GRIN2D: variants seen among roughly 807,000 people sequenced by gnomAD.
GRIN2D encodes glutamate receptor ionotropic, NMDA 2D.
In GRIN2D, 37 loss-of-function variants were observed where a neutral mutation model predicts 103.2. The ratio of observed to expected loss-of-function variants is 0.36; its 90% CI spans 0.28 to 0.47. GRIN2D has a LOEUF of 0.47. GRIN2D is among the 20% of genes least tolerant of loss of function. GRIN2D has a pLI of 1.00. For missense variants in GRIN2D, 1,557 were observed against 1,910.6 expected, an observed-to-expected ratio of 0.81 and a Z score of 3.45; for synonymous variants, 845 against 885.6, an observed-to-expected ratio of 0.95 and a Z score of 0.81.
intron 2 of GRIN2D, among the ~76,000 whole-genome samples, chr19:48,396,876 C>T (rs1223352244): frequency 6.6e-6 from 1 of 152,090 alleles, no homozygotes; most frequent in Non-Finnish European, 1.5e-5. Context: ...TGGACCCTCA[C>T]CCCTTCTGGA....
intron 3 of GRIN2D, among the ~76,000 whole-genome samples, chr19:48,403,198 C>CAAAAA (rs145115482): frequency 2.2e-5 from 2 of 91,312 alleles, no homozygotes; most frequent in Non-Finnish European, 4.6e-5. Context: ...GACTCTGTCT[C>CAAAAA]AAAAAAAAAA....
intron 11 of GRIN2D, among the ~76,000 whole-genome samples, chr19:48,435,622 T>G (rs1237354152): frequency 6.6e-6 from 1 of 152,082 alleles, no homozygotes; most frequent in Admixed American, 6.6e-5. Context: ...TTTTTGTATT[T>G]TTAGTAGAGA....
chr19:48,433,858 T>C (rs1971191371), intron 11 of GRIN2D, among the ~76,000 whole-genome samples: 1 of 152,120 alleles, frequency 6.6e-6, no homozygotes, highest in Non-Finnish European at 1.5e-5. Flanking sequence ...ATCTTTTCTG[T>C]GTTAATGGAA....
chr19:48,437,600 A>G (rs1971246533), intron 11 of GRIN2D, among the ~76,000 whole-genome samples: 1 of 152,114 alleles, frequency 6.6e-6, no homozygotes. Context: ...GCTTTCTCCA[A>G]AATGTAACTT....
Position 48,405,238 on chromosome 19 carries a change from G to T in GRIN2D, c.970G>T (p.Val324Leu), listed in dbSNP as rs779274023. 3 of 1,596,532 alleles carry T rather than the reference G, an allele frequency of 1.9e-6. No homozygotes were observed. Among genetic ancestry groups the T allele is most frequent in the Non-Finnish European group, 2.5e-6 (3 of 1,176,892 alleles). Reference sequence around the variant, plus strand: ...CCTGGCTCGGCGAGTGGCAGCTGGCGTGGCCGTAGTGGCCAGAGGTGCCCA... The same window carrying T: ...CCTGGCTCGGCGAGTGGCAGCTGGCTTGGCCGTAGTGGCCAGAGGTGCCCA... ...DDLARRVAAGVAVVARGAQAL... is the reference protein window; with the variant it reads ...DDLARRVAAGLAVVARGAQAL... Residue 324 changes from valine (V) to leucine (L), a missense_variant, in exon 4 of 14, where the codon GTG becomes TTG. Val to Leu is a conservative substitution (Grantham distance 32). This residue lies in a region of GRIN2D where 490 missense variants were observed against 601.1 expected (regional missense o/e 0.82). Coordinates refer to ENST00000263269, the MANE Select transcript of GRIN2D (RefSeq NM_000836.4). The surrounding 1 kb of genome is among the most constrained non-coding windows in gnomAD (Gnocchi z 5.1).
Position 48,443,830 on chromosome 19 carries a change from C to T in GRIN2D, c.3904C>T (p.His1302Tyr). 6.7e-7 allele frequency: 1 copy of T among 1,484,532 alleles called. No individual in the cohort carries two copies. Among genetic ancestry groups the T allele is most frequent in the Non-Finnish European group, 8.9e-7 (1 of 1,125,812 alleles). 92.0% of individuals were successfully genotyped at this position (1,484,532 alleles called of 1,614,324 possible). ...RHARRCPHAA[H>Y]WGPPLPTASH... The stretch of plus-strand genomic sequence containing the variant: ...CGCTCGCAGGTGTCCGCACGCCGCG[C>T]ACTGGGGGCCGCCGCTGCCCACAGC... The change falls in exon 14 of 14, where the codon CAC becomes TAC. Residue 1302 changes from histidine to tyrosine, a missense_variant. His to Tyr is a moderately conservative substitution (Grantham distance 83). This residue lies in a region of GRIN2D where 88 missense variants were observed against 84.3 expected (regional missense o/e 1.04). Transcript: ENST00000263269. The surrounding 1 kb of genome is among the most constrained non-coding windows in gnomAD (Gnocchi z 8.9).
intron 3 of GRIN2D, among the ~76,000 whole-genome samples, chr19:48,402,270 T>C (rs1970725854): frequency 6.6e-6 from 1 of 152,040 alleles, no homozygotes; most frequent in Non-Finnish European, 1.5e-5. Flanking sequence ...AGTGGACAAC[T>C]GGAGCTATCT....
At position 48,443,769 on chromosome 19, in the gene GRIN2D, CG is replaced by C; in HGVS notation, c.3844del (p.Ala1282ProfsTer236). 1 of 1,434,450 alleles carries C rather than the reference CG, an allele frequency of 7.0e-7. No individual in the cohort carries two copies. Among genetic ancestry groups the C allele is most frequent in the Admixed American group, 2.9e-5 (1 of 34,744 alleles). The allele number at this position is 1,434,450 out of a possible 1,614,324, so 88.9% of individuals were successfully genotyped here. ...AGGACCTCAGCTCGTGCCCTCGCGCCGCCCCTGCGCGCAGGCTTACCGGGCC... is the reference window on the plus strand; with the variant it reads ...AGGACCTCAGCTCGTGCCCTCGCGCCCCCCTGCGCGCAGGCTTACCGGGCC... Reference protein sequence around the residue: ...LEDLSSCPRAAPARRLTGPSR... With the variant: ...LEDLSSCPRAXPARRLTGPSR... On this transcript the variant is annotated frameshift_variant, in exon 14 of 14. Transcript: ENST00000263269. LOFTEE classifies it high-confidence loss of function. This position sits in a 1 kb window ranked among gnomAD's most constrained non-coding sequence, Gnocchi z 8.9.
Position 48,414,842 on chromosome 19 carries a change from C to A in GRIN2D, c.1413-22C>A. 6.2e-7 allele frequency: 1 copy of A among 1,613,100 alleles called. No homozygotes were observed. Among genetic ancestry groups the A allele is most frequent in the Non-Finnish European group, 8.5e-7 (1 of 1,179,552 alleles). On this transcript the variant is annotated intron_variant, in intron 6 of 13. Coordinates refer to ENST00000263269, the MANE Select transcript of GRIN2D (RefSeq NM_000836.4). This position sits in a 1 kb window ranked among gnomAD's most constrained non-coding sequence, Gnocchi z 4.6. ...CTAAGGAGGGGGTCCCCAAACTCCC[C>A]AAGCCTGGTCACTGCCCGCAGCCCT...
chr19:48,441,163 G>C (rs961670438), intron 11 of GRIN2D, among the ~76,000 whole-genome samples: 1 of 151,890 alleles, frequency 6.6e-6, no homozygotes, highest in Non-Finnish European at 1.5e-5. Flanking sequence ...AGGGGTTCGA[G>C]ATCAGCCTGG....
At chr19:48,428,083 C>T (rs2147463414) in intron 11 of GRIN2D, among the ~76,000 whole-genome samples, 1 of 145,452 alleles carries the variant, frequency 6.9e-6, no homozygotes, top group Admixed American at 7.1e-5. Flanking sequence ...GTTGCCCAGG[C>T]TGGAGTGCAG....
At chr19:48,437,389 G>A (rs1231065766) in intron 11 of GRIN2D, among the ~76,000 whole-genome samples, 2 of 152,148 alleles carry the variant, frequency 1.3e-5, no homozygotes, top group African/African-American at 2.4e-5. Context: ...CAAAGTGCTG[G>A]GATGACAGGC....
intron 2 of GRIN2D, among the ~76,000 whole-genome samples, chr19:48,397,962 C>T (rs1228742809): frequency 6.6e-6 from 1 of 151,776 alleles, no homozygotes; most frequent in African/African-American, 2.4e-5. Context: ...ATCTCTGCGT[C>T]TCTCCCTGTT....
chr19:48,418,193 C>T (rs1970971983), intron 8 of GRIN2D, among the ~76,000 whole-genome samples: 6 of 151,878 alleles, frequency 4.0e-5, no homozygotes, highest in Admixed American at 3.9e-4. Context: ...ACCACGACAC[C>T]CAGCTAATTT....
chr19:48,400,546 T>C (rs1472139374), intron 3 of GRIN2D, among the ~76,000 whole-genome samples: 1 of 152,212 alleles, frequency 6.6e-6, no homozygotes, highest in Non-Finnish European at 1.5e-5. Flanking sequence ...CGTGCCTTCA[T>C]TGCTGCTGAG....
rs139345283 is a variant in GRIN2D at position 48,431,069 on chromosome 19, T to C, written c.2252+9124T>C. Among the ~76,000 whole-genome samples the C allele has an allele frequency of 4.2e-3, 637 of 152,296 alleles. 13 individuals are homozygous for C. The East Asian group carries it at 0.052, about 12-fold the overall frequency. On this transcript the variant is annotated intron_variant, in intron 11 of 13. Transcript: ENST00000263269. ...CCTGGCCTCAAGTAATCTGTTCACC[T>C]CGGCCTCCCAAGTGCTGGGATTACA...
In GRIN2D at chr19:48,443,638, G is replaced by T; in HGVS notation, c.3712G>T (p.Ala1238Ser). ...CPRSHPHRPRASHRTPAAAAP... is the reference protein window; with the variant it reads ...CPRSHPHRPRSSHRTPAAAAP... ...GCGGTCGCACCCGCACCGCCCGCGGGCCTCGCACCGCACGCCCGCCGCCGC... is the reference window on the plus strand; with the variant it reads ...GCGGTCGCACCCGCACCGCCCGCGGTCCTCGCACCGCACGCCCGCCGCCGC... The change falls in exon 14 of 14, where the codon GCC becomes TCC. Residue 1238 changes from alanine (A) to serine (S), a missense_variant. Transcript: ENST00000263269. This position sits in a 1 kb window ranked among gnomAD's most constrained non-coding sequence, Gnocchi z 8.9. 9.1e-7 allele frequency: 1 copy of T among 1,095,506 alleles called. No individual in the cohort carries two copies. The highest frequency in any genetic ancestry group is 1.1e-6 in the Non-Finnish European group (1 of 904,674). The allele number at this position is 1,095,506 out of a possible 1,614,324, so 67.9% of individuals were successfully genotyped here.
At chr19:48,435,974 C>T (rs1223984102) in intron 11 of GRIN2D, among the ~76,000 whole-genome samples, 2 of 152,122 alleles carry the variant, frequency 1.3e-5, no homozygotes, top group Non-Finnish European at 2.9e-5. Context: ...AAAACTGGGG[C>T]GGGAGACTGG....
At position 48,394,228 on chromosome 19, in the gene GRIN2D, G is replaced by A. The variant is rs914463970; in HGVS notation, c.-306+360G>A. Among the ~76,000 whole-genome samples the A allele has an allele frequency of 3.3e-5, 5 of 151,968 alleles. No individual in the cohort carries two copies. The highest frequency in any genetic ancestry group is 1.2e-4 in the African/African-American group (5 of 41,360). On this transcript the variant is annotated intron_variant, in intron 1 of 13. Coordinates refer to ENST00000263269, the MANE Select transcript of GRIN2D (RefSeq NM_000836.4). The surrounding 1 kb of genome is among the most constrained non-coding windows in gnomAD (Gnocchi z 5.1). ...GTGTCCCTCCTCAAGCTCTGGGGGTGTTGAGGGGGAATCCCAGGGAAGTGA... is the reference window on the plus strand; with the variant it reads ...GTGTCCCTCCTCAAGCTCTGGGGGTATTGAGGGGGAATCCCAGGGAAGTGA...
Sources: gnomAD v4.1 joint callset for allele counts (sites outside exome capture counted in the v4.1 genomes callset) on GRCh38, gnomAD v4.1.1 for gene constraint, gnomAD v4.1.1 regional missense constraint, Gnocchi (gnomAD v3.1) non-coding constraint, MANE v1.5 for transcripts, NCBI Gene and HGNC (gene_info 2026-07-23, HGNC 2026-07-21) for gene names.